RBP2: variants seen among roughly 807,000 people sequenced by gnomAD.
RBP2 encodes the protein retinol-binding protein 2.
Under a neutral mutation model 17.0 loss-of-function variants are expected in RBP2, and 17 were observed. The ratio of observed to expected loss-of-function variants is 1.00; its 90% CI spans 0.68 to 1.50. The LOEUF (loss-of-function observed/expected upper bound fraction) is 1.50. Among genes scored for constraint, RBP2 ranks in the 40% most tolerant of loss-of-function variants. The pLI is 0.00. For missense variants in RBP2, 158 were observed against 168.2 expected (o/e 0.94, Z 0.33); for synonymous variants, 48 against 57.1 (o/e 0.84, Z 0.72).
At chr3:139,473,404 C>T (rs1300918652) in intron 1 of RBP2, among the ~76,000 whole-genome samples, 1 of 152,178 alleles carries the variant, frequency 6.6e-6, no homozygotes, top group African/African-American at 2.4e-5. Context: ...TAGAGTTGCT[C>T]TTTCCTTACT....
chr3:139,462,029 A>G (rs1368278685), intron 2 of RBP2, 83 bp downstream of exon 2: 1 of 1,445,432 alleles, frequency 6.9e-7, no homozygotes, highest in East Asian at 2.3e-5. Context: ...GTTGTTTCTA[A>G]TATTTTTTTT....
At position 139,471,140 on chromosome 3, in the gene RBP2, T is replaced by TCATTTCC. The variant is rs377178305; in HGVS notation, c.73+5240_73+5246dup. On this transcript the variant is annotated intron_variant, in intron 1 of 3. Transcript: ENST00000232217. The stretch of plus-strand genomic sequence containing the variant: ...CTATGCTGGCAGGGAACTCGTCTCC[T>TCATTTCC]CATTTCCCACTATATCTCCAATGCC... Among the ~76,000 whole-genome samples, 490 of 152,348 alleles carry TCATTTCC rather than the reference T, an allele frequency of 3.2e-3. 3 individuals are homozygous for TCATTTCC. Among genetic ancestry groups the TCATTTCC allele is most frequent in the African/African-American group, 0.011 (475 of 41,582 alleles).
chr3:139,476,375 T>C lies in RBP2; in HGVS notation c.73+12A>G. On this transcript the variant is annotated intron_variant, in intron 1 of 3. Coordinates refer to ENST00000232217, the MANE Select transcript of RBP2 (RefSeq NM_004164.3). ...CAACAGCTACCCTCCCCATCCCCAGTCTCCTCCTTACCCAGGGCCTTCATG... is the reference window on the plus strand; with the variant it reads ...CAACAGCTACCCTCCCCATCCCCAGCCTCCTCCTTACCCAGGGCCTTCATG... The C allele has an allele frequency of 6.2e-7, 1 of 1,612,472 alleles. No individual in the cohort carries two copies. The highest frequency in any genetic ancestry group is 2.2e-5 in the East Asian group (1 of 44,836).
Position 139,462,140 on chromosome 3 carries a change from G to C in RBP2, c.224C>G (p.Thr75Arg). Residue 75 changes from threonine (T) to arginine (R), a missense_variant, in exon 2 of 4, where the codon ACA (threonine) becomes AGA (arginine). Physicochemically the swap from Thr to Arg is moderately conservative, Grantham distance 71. Coordinates refer to ENST00000232217, the MANE Select transcript of RBP2 (RefSeq NM_004164.3). ...AACATGCCGGTTATCCAGGCTCTTT[G>C]TGTACTCGTCAAACTCTACTCCAAC... ...FTVGVEFDEY[T>R]KSLDNRHVKA... is the part of the protein sequence containing the mutation. 2 of 1,614,022 alleles carry C rather than the reference G, an allele frequency of 1.2e-6. No homozygotes were observed. The highest frequency in any genetic ancestry group is 1.7e-6 in the Non-Finnish European group (2 of 1,179,992).
chr3:139,467,621 AAAT>A (rs1559807436), intron 1 of RBP2, among the ~76,000 whole-genome samples: 1 of 152,202 alleles, frequency 6.6e-6, no homozygotes, highest in African/African-American at 2.4e-5. Context: ...GATTCAGTAA[AAAT>A]AATGGTAAAA....
At chr3:139,458,086 A>G (rs1933039335) in intron 2 of RBP2, among the ~76,000 whole-genome samples, 1 of 152,248 alleles carries the variant, frequency 6.6e-6, no homozygotes, top group African/African-American at 2.4e-5. Context: ...GCATGTGCAC[A>G]TGACAAAGCA....
chr3:139,469,111 A>G (rs1326364628), intron 1 of RBP2, among the ~76,000 whole-genome samples: 3 of 152,244 alleles, frequency 2.0e-5, no homozygotes, highest in African/African-American at 7.2e-5. Context: ...AGGCACAAGT[A>G]TTCATCATAT....
chr3:139,462,123 G>T lies in RBP2; in HGVS notation c.241C>A (p.Arg81=). The T allele has an allele frequency of 6.2e-7, 1 of 1,613,990 alleles. No individual in the cohort carries two copies. Among genetic ancestry groups the T allele is most frequent in the Non-Finnish European group, 8.5e-7 (1 of 1,179,980 alleles). The change falls in exon 2 of 4, where the codon CGG becomes AGG. Residue 81 remains arginine (R), a synonymous_variant. Transcript: ENST00000232217. ...FDEYTKSLDN[R]HVKALVTWEG... is the part of the protein sequence containing the mutation. ...GCCCCGGTCAGTACCTTAACATGCCGGTTATCCAGGCTCTTTGTGTACTCG... is the reference window on the plus strand; with the variant it reads ...GCCCCGGTCAGTACCTTAACATGCCTGTTATCCAGGCTCTTTGTGTACTCG...
chr3:139,453,329 A>G (rs1388607162), intron 3 of RBP2, among the ~76,000 whole-genome samples, 163 bp from the exon 4 acceptor site: 2 of 152,250 alleles, frequency 1.3e-5, no homozygotes, highest in African/African-American at 2.4e-5. Flanking sequence ...CATGCCCTGC[A>G]GGTAGCAGTA....
intron 2 of RBP2, among the ~76,000 whole-genome samples, chr3:139,455,668 C>A (rs1943381883): frequency 6.6e-6 from 1 of 152,158 alleles, no homozygotes; most frequent in South Asian, 2.1e-4. Flanking sequence ...TATAGGACAC[C>A]AATAAAGGCA....
chr3:139,454,678 G>A, intron 3 of RBP2, 51 bp downstream of exon 3: 1 of 1,566,028 alleles, frequency 6.4e-7, no homozygotes, highest in East Asian at 2.2e-5. Flanking sequence ...GGTGACCACA[G>A]TAGCGTGTGT....
rs1943338411 is a variant in RBP2 at position 139,453,005 on chromosome 3, A to G, written c.*111T>C. 1 of 1,242,636 alleles carries G rather than the reference A, an allele frequency of 8.0e-7. No homozygotes were observed. The highest frequency in any genetic ancestry group is 2.3e-5 in the East Asian group (1 of 42,940). 77.0% of individuals were successfully genotyped at this position (1,242,636 alleles called of 1,614,324 possible). ...TGTTTAAAACCCACCCAGATGCCTT[A>G]ATGGGGCTCTGTCAAGAGTGGGAAG... On this transcript the variant is annotated 3_prime_UTR_variant, in exon 4 of 4. Coordinates refer to ENST00000232217, the MANE Select transcript of RBP2 (RefSeq NM_004164.3).
At chr3:139,474,748 G>A (rs1000479709) in intron 1 of RBP2, among the ~76,000 whole-genome samples, 5 of 152,154 alleles carry the variant, frequency 3.3e-5, no homozygotes, top group African/African-American at 7.2e-5. Flanking sequence ...ACTCTAGTCC[G>A]AGCTGTGTTG....
chr3:139,468,044 A>G (rs1360857866), intron 1 of RBP2, among the ~76,000 whole-genome samples: 1 of 152,226 alleles, frequency 6.6e-6, no homozygotes, highest in Non-Finnish European at 1.5e-5. Flanking sequence ...GGAGATGAGA[A>G]AAGAAAAACC....
At chr3:139,472,689 A>T (rs923370512) in intron 1 of RBP2, among the ~76,000 whole-genome samples, 1 of 152,216 alleles carries the variant, frequency 6.6e-6, no homozygotes, top group African/African-American at 2.4e-5. Context: ...CAAATGAAAG[A>T]CTTTGAGCAG....
rs112393308 is a variant in RBP2 at position 139,459,840 on chromosome 3, G to A, written c.252+2272C>T. ...CTACTAAGGGTGTGTGTGAGTGTGT[G>A]TGTGTGTGTGTGTGTGCATTCACTC... On this transcript the variant is annotated intron_variant, in intron 2 of 3. Transcript: ENST00000232217. Among the ~76,000 whole-genome samples the A allele has an allele frequency of 9.3e-3, 1,175 of 126,332 alleles. 16 individuals are homozygous for A. Among genetic ancestry groups the A allele is most frequent in the African/African-American group, 0.032 (1,089 of 34,038 alleles). 82.9% of individuals were successfully genotyped at this position (126,332 alleles called of 152,430 possible).
rs368686277 is a variant in RBP2 at position 139,462,257 on chromosome 3, C to T, written c.107G>A (p.Arg36His). 7.9e-5 allele frequency: 127 copies of T among 1,614,000 alleles called. No homozygotes were observed. The Middle Eastern group carries it at 3.0e-3, about 38-fold the overall frequency. ...IDFATRKIAV[R>H]LTQTKVIDQD... ...ATCAATAACCTTCGTCTGAGTGAGA[C>T]GTACTGCAATCTTGCGGGTGGCAAA... The change falls in exon 2 of 4, where the codon CGT (arginine) becomes CAT (histidine). Residue 36 changes from arginine to histidine, a missense_variant. Transcript: ENST00000232217.
intron 3 of RBP2, among the ~76,000 whole-genome samples, chr3:139,454,119 T>G (rs1338986334): frequency 1.3e-5 from 2 of 152,212 alleles, no homozygotes; most frequent in Admixed American, 6.5e-5. Flanking sequence ...TGAGAGATTT[T>G]TCACCATTTG....
intron 2 of RBP2, among the ~76,000 whole-genome samples, chr3:139,459,834 GTGTGT>G (rs1446809411): frequency 3.5e-4 from 33 of 93,872 alleles, no homozygotes; most frequent in African/African-American, 2.3e-3. Context: ...GTGTGTGTGA[GTGTGT>G]GTGTGTGTGT....
Sources: gnomAD v4.1 joint callset for allele counts (sites outside exome capture counted in the v4.1 genomes callset) on GRCh38, gnomAD v4.1.1 for gene constraint, MANE v1.5 for transcripts, NCBI Gene and HGNC (gene_info 2026-07-23, HGNC 2026-07-21) for gene names.